The following BOC variants were observed in gnomAD, a reference collection of about 807,000 sequenced individuals.
BOC encodes the protein brother of CDO.
A neutral mutation model predicts 112.0 loss-of-function variants in BOC; 76 were observed. The observed-to-expected ratio is 0.68, with a 90% CI of 0.56 to 0.82. The LOEUF is 0.82. BOC is among the 40% of genes least tolerant of loss of function. The pLI is 0.00. For missense variants in BOC, 1,309 were observed against 1,511.7 expected, an observed-to-expected ratio of 0.87 and a Z score of 2.22; for synonymous variants, 580 against 599.8, an observed-to-expected ratio of 0.97 and a Z score of 0.48.
Position 113,216,246 on chromosome 3 carries a change from C to A in BOC, c.-110C>A. The A allele has an allele frequency of 4.4e-6, 2 of 456,626 alleles. No individual in the cohort carries two copies. The highest frequency in any genetic ancestry group is 3.1e-5 in the South Asian group (2 of 64,562). The allele number at this position is 456,626 out of a possible 1,614,324, so 28.3% of individuals were successfully genotyped here. A position where few individuals can be genotyped will look rare whatever the true frequency, so the allele number is the denominator to read the frequency against. On this transcript the variant is annotated 5_prime_UTR_variant, in exon 2 of 20. It adds an upstream start codon to the 5' untranslated region. Transcript: ENST00000682979. ...GAAGTCTTGTCGACATTTATACCGT[C>A]TGAGGGTAGCAGCTCGAAAGTAGAA...
In BOC at chr3:113,249,796, A is replaced by G. The variant is rs768693716; in HGVS notation, c.-7A>G. 7 of 1,608,356 alleles carry G rather than the reference A, an allele frequency of 4.4e-6. No individual in the cohort carries two copies. The highest frequency in any genetic ancestry group is 2.2e-5 in the South Asian group (2 of 90,110). ...GGGACGTTGGCTTCAGACCTTTGTG[A>G]TACACCATGCTGCGTGGGACGATGA... On this transcript the variant is annotated 5_prime_UTR_variant, in exon 3 of 20. An upstream open reading frame in the 5' UTR loses its in-frame stop. Transcript: ENST00000682979.
chr3:113,284,535 C>A lies in BOC; in HGVS notation c.2857C>A (p.Pro953Thr), dbSNP rs770309274. The A allele has an allele frequency of 1.2e-6, 2 of 1,613,838 alleles. No homozygotes were observed. Among genetic ancestry groups the A allele is most frequent in the Non-Finnish European group, 1.7e-6 (2 of 1,179,814 alleles). ...TGCAGTGGGCTACCCGGGCATGAAG[C>A]CCCAGCAGCACTGCCCAGGCGAGCT... ...SAAVGYPGMK[P>T]QQHCPGELQQ... The change falls in exon 17 of 20, where the codon CCC (proline) becomes ACC (threonine). Residue 953 changes from proline (P) to threonine (T), a missense_variant. Coordinates refer to ENST00000682979, the MANE Select transcript of BOC (RefSeq NM_001378074.1).
intron 5 of BOC, 112 bp downstream of exon 5, chr3:113,268,557 C>T (rs529320427): frequency 3.9e-6 from 4 of 1,017,638 alleles, no homozygotes; most frequent in Non-Finnish European, 5.7e-6. Flanking sequence ...TCCCAAACCC[C>T]CCTCAACATG....
Position 113,273,236 on chromosome 3 carries a change from C to A in BOC, c.1129C>A (p.Arg377Ser), listed in dbSNP as rs768070815. The A allele has an allele frequency of 6.2e-7, 1 of 1,613,594 alleles. No homozygotes were observed. Among genetic ancestry groups the A allele is most frequent in the African/African-American group, 1.3e-5 (1 of 75,042 alleles). ...QRLRLSRRAL[R>S]VLSMGPEDEG... ...CCTCCGGCTCTCCCGCAGGGCCCTG[C>A]GCGTGCTCAGCATGGGGCCTGAGGA... is the stretch of plus-strand genomic sequence containing the variant. The change falls in exon 8 of 20, where the codon CGC becomes AGC. Residue 377 changes from arginine to serine, a missense_variant. Physicochemically the swap from Arg to Ser is moderately radical, Grantham distance 110 (BLOSUM62 -1). Coordinates refer to ENST00000682979, the MANE Select transcript of BOC (RefSeq NM_001378074.1).
chr3:113,241,474 C>T (rs1439145894), intron 2 of BOC, among the ~76,000 whole-genome samples: 5 of 152,148 alleles, frequency 3.3e-5, no homozygotes, highest in African/African-American at 1.2e-4. Context: ...CCCCCAACAC[C>T]ACCATGGCAG....
intron 2 of BOC, among the ~76,000 whole-genome samples, chr3:113,238,701 T>C (rs1483198539): frequency 6.6e-6 from 1 of 152,236 alleles, no homozygotes; most frequent in Non-Finnish European, 1.5e-5. Context: ...CTGAGATTTA[T>C]CATCTGTGTG....
chr3:113,265,613 G>T lies in BOC; in HGVS notation c.377-2686G>T, dbSNP rs1020499965. The stretch of plus-strand genomic sequence containing the variant: ...CAGAAAACAAAGTTACCGATGTTTA[G>T]CTAGAACATGTTGAGCTCAAGCAAT... On this transcript the variant is annotated intron_variant, in intron 4 of 19. Transcript: ENST00000682979. Among the ~76,000 whole-genome samples, 4 of 152,332 alleles carry T rather than the reference G, an allele frequency of 2.6e-5. No individual in the cohort carries two copies. In the South Asian group the frequency reaches 8.3e-4, roughly 32 times the overall value.
intron 2 of BOC, among the ~76,000 whole-genome samples, chr3:113,232,562 AGTGTGTGT>A (rs10696107): frequency 0.18 from 27,229 of 149,358 alleles, 3,117 homozygotes; most frequent in East Asian, 0.49. Context: ...TTGCTGTGCG[AGTGTGTGT>A]GTGTGTGTGT....
At position 113,285,478 on chromosome 3, in the gene BOC, CAGCCTGCT is replaced by C. The variant is rs759364838; in HGVS notation, c.3074_3081del (p.Gln1025ArgfsTer38). On this transcript the variant is annotated frameshift_variant, in exon 19 of 20. Transcript: ENST00000682979. LOFTEE classifies it high-confidence loss of function. ...TCACGACTGCTGCCAACGCCAGGAGCAGCCTGCTGCTGTGGGCCAGTCAGGGGTGAGGA... is the reference window on the plus strand; with the variant it reads ...TCACGACTGCTGCCAACGCCAGGAGCGCTGTGGGCCAGTCAGGGGTGAGGA... 4 of 1,613,972 alleles carry C rather than the reference CAGCCTGCT, an allele frequency of 2.5e-6. No homozygotes were observed.
chr3:113,222,985 C>T (rs772520068), intron 2 of BOC, among the ~76,000 whole-genome samples: 3 of 152,228 alleles, frequency 2.0e-5, no homozygotes, highest in Non-Finnish European at 2.9e-5. Flanking sequence ...AGCCACAGGC[C>T]GTGGAAGTAA....
At chr3:113,215,905 G>T (rs931702) in intron 1 of BOC, among the ~76,000 whole-genome samples, 9,842 of 152,214 alleles carry the variant, frequency 0.065, 427 homozygotes, top group African/African-American at 0.11. Flanking sequence ...TTAAGAAATA[G>T]TTGATGACTA....
chr3:113,250,445 C>T, intron 3 of BOC, 110 bp from the exon 4 acceptor site: 1 of 1,288,156 alleles, frequency 7.8e-7, no homozygotes, highest in Non-Finnish European at 1.1e-6. Flanking sequence ...GAAAGACCAG[C>T]TTCTCTGGTG....
At position 113,278,327 on chromosome 3, in the gene BOC, G is replaced by C; in HGVS notation, c.1705+70G>C. 6.6e-7 allele frequency: 1 copy of C among 1,518,960 alleles called. No homozygotes were observed. Among genetic ancestry groups the C allele is most frequent in the Non-Finnish European group, 9.0e-7 (1 of 1,105,900 alleles). The allele number at this position is 1,518,960 out of a possible 1,614,324, so 94.1% of individuals were successfully genotyped here. The stretch of plus-strand genomic sequence containing the variant: ...AAGCAAGTTCCACTGGCCCAGGTGA[G>C]AATTCCTGCTCACCTTGCCCCAGCT... On this transcript the variant is annotated intron_variant, in intron 10 of 19. Transcript: ENST00000682979. This position sits in a 1 kb window ranked among gnomAD's most constrained non-coding sequence, Gnocchi z 4.2.
intron 4 of BOC, among the ~76,000 whole-genome samples, chr3:113,261,387 T>G (rs1371862567): frequency 1.3e-5 from 2 of 152,242 alleles, no homozygotes; most frequent in South Asian, 2.1e-4. Context: ...TTTTTTTCCT[T>G]CTGCTCTTTC....
At chr3:113,284,014 G>T (rs894569302) in intron 16 of BOC, among the ~76,000 whole-genome samples, 5 of 151,984 alleles carry the variant, frequency 3.3e-5, no homozygotes, top group African/African-American at 1.2e-4. Flanking sequence ...ACTAATTTCT[G>T]CTTCAGATGG....
intron 1 of BOC, among the ~76,000 whole-genome samples, chr3:113,215,128 G>T (rs9288979): frequency 0.13 from 19,453 of 152,138 alleles, 1,347 homozygotes; most frequent in East Asian, 0.21. Flanking sequence ...TCCTAAGTGT[G>T]CTCCCACATG....
chr3:113,231,241 C>T (rs979398269), intron 2 of BOC, among the ~76,000 whole-genome samples: 4 of 152,146 alleles, frequency 2.6e-5, no homozygotes, highest in Admixed American at 1.3e-4. Context: ...AGCGATGCTA[C>T]ATACCTTGTT....
intron 4 of BOC, among the ~76,000 whole-genome samples, chr3:113,254,557 G>A (rs1191166213): frequency 6.6e-6 from 1 of 152,200 alleles, no homozygotes; most frequent in Non-Finnish European, 1.5e-5. Flanking sequence ...TATGAGGGAG[G>A]CCAAGTGGTA....
intron 4 of BOC, among the ~76,000 whole-genome samples, chr3:113,262,994 G>A (rs1022514722): frequency 2.0e-5 from 3 of 152,202 alleles, no homozygotes; most frequent in South Asian, 2.1e-4. Context: ...TGCACCTCGG[G>A]TGTCTCTCAA....
Sources: allele counts gnomAD v4.1 joint callset (sites outside exome capture counted in the v4.1 genomes callset), GRCh38; gene constraint gnomAD v4.1.1; non-coding constraint Gnocchi (gnomAD v3.1); transcripts MANE v1.5; gene names NCBI Gene and HGNC (gene_info 2026-07-23, HGNC 2026-07-21).